WDR41: variants seen among roughly 807,000 people sequenced by gnomAD.
The protein encoded by WDR41 is WD repeat-containing protein 41.
Under a neutral mutation model 69.3 loss-of-function variants are expected in WDR41, and 63 were observed. The ratio of observed to expected loss-of-function variants is 0.91; its 90% confidence interval spans 0.74 to 1.12. The LOEUF is 1.12. Ranked by LOEUF, WDR41 falls within the 50% of genes most tolerant of loss-of-function variation. WDR41 has a pLI of 0.00. For missense variants in WDR41, 543 were observed against 534.5 expected, an observed-to-expected ratio of 1.02 and a Z score of -0.16; for synonymous variants, 185 against 192.1, an observed-to-expected ratio of 0.96 and a Z score of 0.31.
chr5:77,467,409 T>A (rs1435164837), intron 2 of WDR41, among the ~76,000 whole-genome samples: 1 of 152,000 alleles, frequency 6.6e-6, no homozygotes, highest in Non-Finnish European at 1.5e-5. Flanking sequence ...ATCTTAAAAC[T>A]TTATGATTGT....
At position 77,512,955 on chromosome 5, in the gene WDR41, G is replaced by C. The variant is rs75030350; in HGVS notation, c.43-23383C>G. Among the ~76,000 whole-genome samples the C allele has an allele frequency of 1.4e-4, 21 of 152,128 alleles. No homozygotes were observed. The East Asian group carries it at 3.7e-3, about 27-fold the overall frequency. ...CTTTTCTCTTAGGAAGTCTTAATTA[G>C]CAATGGAAATTTCCTGATTAAGACG... On this transcript the variant is annotated intron_variant, in intron 1 of 5. Transcript: ENST00000509971.
intron 6 of WDR41, chr5:77,452,688 G>C (rs1273740353): frequency 6.6e-6 from 1 of 152,190 alleles, no homozygotes; most frequent in Non-Finnish European, 1.5e-5. Flanking sequence ...GCCTTCTCAA[G>C]GCTTTCCCAT....
At chr5:77,606,001 T>C (rs555328022) in intron 1 of WDR41, among the ~76,000 whole-genome samples, 3 of 152,310 alleles carry the variant, frequency 2.0e-5, no homozygotes, top group African/African-American at 4.8e-5. Flanking sequence ...AGAAATGGTA[T>C]GGTCAAAGAA....
intron 8 of WDR41, among the ~76,000 whole-genome samples, chr5:77,446,841 A>C (rs1192747005): frequency 6.6e-6 from 1 of 152,220 alleles, no homozygotes; most frequent in African/African-American, 2.4e-5. Context: ...CCTAGGCAAT[A>C]CCATTCAGAA....
At chr5:77,597,411 T>C (rs1744246570) in intron 1 of WDR41, among the ~76,000 whole-genome samples, 1 of 152,218 alleles carries the variant, frequency 6.6e-6, no homozygotes. Flanking sequence ...AGTTTCTTTA[T>C]TTAGTTCTCT....
chr5:77,485,238 T>C (rs1801461180), intron 2 of WDR41, among the ~76,000 whole-genome samples: 1 of 152,166 alleles, frequency 6.6e-6, no homozygotes, highest in South Asian at 2.1e-4. Context: ...TAGAAGGATC[T>C]ATACTGACTA....
At chr5:77,562,353 G>C (rs1037683673) in intron 1 of WDR41, among the ~76,000 whole-genome samples, 2 of 152,170 alleles carry the variant, frequency 1.3e-5, no homozygotes, top group Non-Finnish European at 1.5e-5. Flanking sequence ...TTTAAAACCT[G>C]CACAGACTTG....
chr5:77,547,446 A>T (rs1743218367), intron 1 of WDR41, among the ~76,000 whole-genome samples: 1 of 152,020 alleles, frequency 6.6e-6, no homozygotes, highest in South Asian at 2.1e-4. Flanking sequence ...ATTACTGTAC[A>T]CAAATCAGTA....
intron 2 of WDR41, among the ~76,000 whole-genome samples, chr5:77,479,529 A>C (rs982748983): frequency 1.7e-4 from 26 of 152,168 alleles, no homozygotes; most frequent in Non-Finnish European, 2.5e-4. Context: ...CATATCTACA[A>C]CTATCTGATC....
chr5:77,467,733 T>C (rs1211305280), intron 2 of WDR41, among the ~76,000 whole-genome samples: 1 of 152,044 alleles, frequency 6.6e-6, no homozygotes, highest in Admixed American at 6.6e-5. Flanking sequence ...TAAGCAAACA[T>C]TTAAGTGTTC....
At chr5:77,506,064 G>A (rs1182536921) in intron 1 of WDR41, among the ~76,000 whole-genome samples, 1 of 152,158 alleles carries the variant, frequency 6.6e-6, no homozygotes. Flanking sequence ...AAGAGCTTCT[G>A]CACGGCAAAA....
At chr5:77,600,802 C>T (rs1002929175) in intron 1 of WDR41, among the ~76,000 whole-genome samples, 6 of 152,040 alleles carry the variant, frequency 3.9e-5, no homozygotes, top group African/African-American at 1.2e-4. Flanking sequence ...ATCGCTTGAA[C>T]TTGGAGGGCA....
chr5:77,508,622 C>G (rs940331383), intron 1 of WDR41, among the ~76,000 whole-genome samples: 13 of 152,146 alleles, frequency 8.5e-5, no homozygotes, highest in Non-Finnish European at 1.6e-4. Flanking sequence ...ATGGGTCACA[C>G]CTTCCTGTTT....
At chr5:77,463,887 C>T (rs1021274706) in intron 3 of WDR41, among the ~76,000 whole-genome samples, 1 of 151,296 alleles carries the variant, frequency 6.6e-6, no homozygotes, top group African/African-American at 2.4e-5. Context: ...GATTTTATCA[C>T]AGGCAAAGCC....
At chr5:77,520,537 T>C (rs1392834886) in intron 1 of WDR41, among the ~76,000 whole-genome samples, 4 of 152,192 alleles carry the variant, frequency 2.6e-5, no homozygotes, top group African/African-American at 7.2e-5. Context: ...AGGTGCCTTA[T>C]ACACTGGTAT....
intron 1 of WDR41, among the ~76,000 whole-genome samples, chr5:77,581,538 C>T (rs1293981969): frequency 6.6e-6 from 1 of 152,192 alleles, no homozygotes; most frequent in African/African-American, 2.4e-5. Context: ...CTTCACCCAA[C>T]AATAACAGTA....
rs561498696 is a variant in WDR41 at position 77,487,867 on chromosome 5, C to G, written c.167+1590G>C. ...CCAATGATTCAAACAATCATGCCTA[C>G]TAATGAAAGCTCTGGACACCCAAAG... On this transcript the variant is annotated intron_variant, in intron 2 of 12. Transcript: ENST00000296679. Among the ~76,000 whole-genome samples, 6 of 152,316 alleles carry G rather than the reference C, an allele frequency of 3.9e-5. No homozygotes were observed. The South Asian group carries it at 1.2e-3, about 32-fold the overall frequency.
intron 2 of WDR41, among the ~76,000 whole-genome samples, chr5:77,471,397 G>C (rs939766253): frequency 2.0e-5 from 3 of 152,132 alleles, no homozygotes; most frequent in African/African-American, 4.8e-5. Flanking sequence ...ACATTCGAAA[G>C]CCAGCAGAAG....
chr5:77,470,116 C>T (rs925578448), intron 2 of WDR41, among the ~76,000 whole-genome samples: 1 of 151,654 alleles, frequency 6.6e-6, no homozygotes, highest in South Asian at 2.1e-4. Context: ...ATAATGGGGG[C>T]CAATATTCAA....
Sources: allele counts gnomAD v4.1 joint callset (sites outside exome capture counted in the v4.1 genomes callset), GRCh38; gene constraint gnomAD v4.1.1; transcripts MANE v1.5; gene names NCBI Gene and HGNC (gene_info 2026-07-23, HGNC 2026-07-21).